Variants in LANCL1 observed in about 807,000 individuals in gnomAD.
The protein encoded by LANCL1 is glutathione S-transferase LANCL1.
LANCL1 carries 50 observed loss-of-function variants against 50.6 expected under a neutral mutation model. That is an observed-to-expected ratio of 0.99 (90% confidence interval 0.79 to 1.25). The LOEUF is 1.25. Ranked by LOEUF, LANCL1 falls within the 50% of genes most tolerant of loss-of-function variation. The pLI is 0.00. For synonymous variants in LANCL1, 188 were observed against 178.6 expected (o/e 1.05, Z -0.42); for missense variants, 532 against 480.7 (o/e 1.11, Z -1.00).
At chr2:210,470,710 T>A (rs1694199722) in intron 3 of LANCL1, among the ~76,000 whole-genome samples, 2 of 152,186 alleles carry the variant, frequency 1.3e-5, no homozygotes. Context: ...ATTGCTATTA[T>A]TAATAAATTT....
chr2:210,473,390 A>G (rs1388671718), intron 2 of LANCL1, among the ~76,000 whole-genome samples: 1 of 152,188 alleles, frequency 6.6e-6, no homozygotes, highest in Non-Finnish European at 1.5e-5. Context: ...AACAACAACA[A>G]CAACAACAAA....
intron 4 of LANCL1, chr2:210,442,543 T>C (rs1185545979): frequency 2.0e-5 from 3 of 152,196 alleles, no homozygotes; most frequent in Non-Finnish European, 4.4e-5. Flanking sequence ...TGATTTCAGG[T>C]AAGATGGAGC....
intron 4 of LANCL1, among the ~76,000 whole-genome samples, chr2:210,445,043 T>C (rs1322991436): frequency 6.6e-6 from 1 of 152,140 alleles, no homozygotes; most frequent in Non-Finnish European, 1.5e-5. Context: ...AAACAATGAA[T>C]ATCTCAAGTT....
intron 3 of LANCL1, chr2:210,468,166 C>T (rs3770691): frequency 5.4e-5 from 8 of 148,856 alleles, no homozygotes; most frequent in Non-Finnish European, 8.9e-5. Context: ...GCAGGCTTTA[C>T]GCAAAGACTT....
intron 3 of LANCL1, chr2:210,471,382 A>G (rs1694219700): frequency 2.9e-6 from 1 of 341,294 alleles, no homozygotes; most frequent in Non-Finnish European, 5.7e-6. Flanking sequence ...TTTTTTTGAC[A>G]TCAATGCACT....
intron 6 of LANCL1, among the ~76,000 whole-genome samples, chr2:210,440,196 AT>A (rs1230814582): frequency 6.6e-6 from 1 of 152,138 alleles, no homozygotes; most frequent in Non-Finnish European, 1.5e-5. Context: ...TTTTCTATTG[AT>A]TTTGTTCTTA....
chr2:210,463,259 G>A (rs1574437127), intron 3 of LANCL1, among the ~76,000 whole-genome samples: 1 of 151,750 alleles, frequency 6.6e-6, no homozygotes, highest in East Asian at 1.9e-4. Context: ...TGCTCAGGCT[G>A]GAGTACAGTG....
intron 2 of LANCL1, among the ~76,000 whole-genome samples, chr2:210,475,346 T>C (rs747242359): frequency 1.3e-5 from 2 of 152,202 alleles, no homozygotes; most frequent in Non-Finnish European, 2.9e-5. Context: ...TATTTTTTTA[T>C]TTTTTAGAGA....
intron 3 of LANCL1, among the ~76,000 whole-genome samples, chr2:210,455,589 C>T (rs770918742): frequency 1.3e-5 from 2 of 152,110 alleles, no homozygotes; most frequent in Non-Finnish European, 2.9e-5. Flanking sequence ...AAGAGACACA[C>T]AGCCTATTAT....
intron 3 of LANCL1, among the ~76,000 whole-genome samples, chr2:210,462,966 T>C (rs576769669): frequency 4.6e-5 from 7 of 152,328 alleles, no homozygotes; most frequent in African/African-American, 1.2e-4. Flanking sequence ...TTATAGCTTA[T>C]GAATAAACCT....
At chr2:210,459,050 G>A (rs1693756625) in intron 3 of LANCL1, among the ~76,000 whole-genome samples, 1 of 152,018 alleles carries the variant, frequency 6.6e-6, no homozygotes, top group South Asian at 2.1e-4. Context: ...GCAAAAAATA[G>A]AGTGGAGACA....
chr2:210,437,749 G>C lies in LANCL1; in HGVS notation c.814C>G (p.Leu272Val), dbSNP rs954704151. ...PPCIGDNRDL[L>V]VHWCHGAPGV... ...GGGGCGCCATGGCACCAATGGACAA[G>C]CAGATCTCGATTATCACCTATACAT... The change falls in exon 7 of 10, where the codon CTT becomes GTT. Residue 272 changes from leucine to valine, a missense_variant. Leu to Val is a conservative substitution (Grantham distance 32, BLOSUM62 1). Transcript: ENST00000450366. 1 of 1,612,296 alleles carries C rather than the reference G, an allele frequency of 6.2e-7. No individual in the cohort carries two copies. The highest frequency in any genetic ancestry group is 2.2e-5 in the East Asian group (1 of 44,734).
At chr2:210,449,763 A>G (rs1162712182) in intron 4 of LANCL1, among the ~76,000 whole-genome samples, 1 of 152,224 alleles carries the variant, frequency 6.6e-6, no homozygotes, top group East Asian at 1.9e-4. Flanking sequence ...AGAGAATAAA[A>G]TACCTGGGAC....
intron 3 of LANCL1, among the ~76,000 whole-genome samples, chr2:210,467,645 T>C (rs957886808): frequency 8.5e-5 from 13 of 152,232 alleles, no homozygotes; most frequent in African/African-American, 3.1e-4. Flanking sequence ...TATTAGTAGT[T>C]AAGTTTTGGG....
rs1267559487 is a variant in LANCL1, at chr2:210,472,812, T to C, written c.82-736A>G. Among the ~76,000 whole-genome samples the C allele has an allele frequency of 2.0e-5, 3 of 152,214 alleles. No individual in the cohort carries two copies. In the East Asian group the frequency reaches 5.8e-4, roughly 29 times the overall value. ...TTCAAAAGGTACTTTGGGGATTAAA[T>C]GAGATAGTGTATCACAAGTCTTTCT... On this transcript the variant is annotated intron_variant, in intron 2 of 9. Coordinates refer to ENST00000450366, the MANE Select transcript of LANCL1 (RefSeq NM_006055.3).
intron 4 of LANCL1, among the ~76,000 whole-genome samples, chr2:210,449,181 T>C (rs924511348): frequency 6.6e-6 from 1 of 152,214 alleles, no homozygotes; most frequent in African/African-American, 2.4e-5. Flanking sequence ...ATCCCTGGGA[T>C]GCAAGGCTGG....
chr2:210,467,600 TTTATG>T (rs1559721252), intron 3 of LANCL1, among the ~76,000 whole-genome samples: 4 of 152,230 alleles, frequency 2.6e-5, no homozygotes, highest in Non-Finnish European at 4.4e-5. Flanking sequence ...TAATCAACTA[TTTATG>T]TTATCAGGAA....
chr2:210,463,167 C>T (rs903344683), intron 3 of LANCL1, among the ~76,000 whole-genome samples: 13 of 151,924 alleles, frequency 8.6e-5, no homozygotes, highest in East Asian at 3.9e-4. Flanking sequence ...TTTTTCTTAT[C>T]GGTGAAATGA....
In LANCL1 at chr2:210,433,689, C is replaced by A. The variant is rs763595577; in HGVS notation, c.*798G>T. 1 of 152,112 alleles carries A rather than the reference C, an allele frequency of 6.6e-6. No individual in the cohort carries two copies. Among genetic ancestry groups the A allele is most frequent in the Non-Finnish European group, 1.5e-5 (1 of 68,014 alleles). 9.4% of individuals were successfully genotyped at this position (152,112 alleles called of 1,614,324 possible). On this transcript the variant is annotated 3_prime_UTR_variant, in exon 10 of 10. Transcript: ENST00000450366. ...CTGATCTTATTTGAATACTGAAAAA[C>A]ACACATATTTAAATAAAGAGTTCCA...
Sources: allele counts gnomAD v4.1 joint callset (sites outside exome capture counted in the v4.1 genomes callset), GRCh38; gene constraint gnomAD v4.1.1; transcripts MANE v1.5; gene names NCBI Gene and HGNC (gene_info 2026-07-23, HGNC 2026-07-21).